Variants in RGSL1 observed in about 807,000 individuals in gnomAD.
RGSL1 encodes the protein regulator of G protein signaling like 1, also known as regulator of G protein signaling protein-like.
A neutral mutation model predicts 124.7 loss-of-function variants in RGSL1; 97 were observed. That is an observed-to-expected ratio of 0.78 (90% CI 0.66 to 0.92). The LOEUF is 0.92. Ranked by LOEUF, RGSL1 falls within the 40% of genes least tolerant of loss-of-function variation. The pLI, the probability that RGSL1 is intolerant of heterozygous loss-of-function variation, is 0.00. For missense variants in RGSL1, 1,233 were observed against 1,288.4 expected (o/e 0.96, Z 0.66); for synonymous variants, 424 against 438.1 (o/e 0.97, Z 0.40).
chr1:182,535,280 C>T (rs929349887), intron 14 of RGSL1, among the ~76,000 whole-genome samples: 2 of 152,184 alleles, frequency 1.3e-5, no homozygotes, highest in Admixed American at 6.5e-5. Context: ...TGTTTTCATA[C>T]TCTTTCTATA....
rs868169303 is a variant in RGSL1, at chr1:182,509,615, C to A, written c.1826-12389C>A. Among the ~76,000 whole-genome samples the A allele has an allele frequency of 7.7e-3, 999 of 129,656 alleles. 36 individuals are homozygous for A. The highest frequency in any genetic ancestry group is 0.029 in the African/African-American group (944 of 32,164). 85.1% of individuals were successfully genotyped at this position (129,656 alleles called of 152,430 possible). A position where few individuals can be genotyped will look rare whatever the true frequency, so the allele number is the denominator to read the frequency against. ...GCTCCTCACTTCCCAGTAGGGGCGG[C>A]TGGGCAGAGGCGCCCCTCACCTCCC... On this transcript the variant is annotated intron_variant, in intron 9 of 21. Transcript: ENST00000294854.
intron 4 of RGSL1, among the ~76,000 whole-genome samples, chr1:182,462,833 GAA>G (rs1028550531): frequency 1.3e-5 from 2 of 152,040 alleles, no homozygotes; most frequent in African/African-American, 4.8e-5. Flanking sequence ...TAACTGCAAG[GAA>G]AATAGCTACA....
intron 4 of RGSL1, among the ~76,000 whole-genome samples, chr1:182,461,459 G>A (rs1652828728): frequency 6.6e-6 from 1 of 151,340 alleles, no homozygotes. Flanking sequence ...AAATCAGAAG[G>A]CACACAAAGA....
chr1:182,489,981 C>A (rs1655398918), intron 8 of RGSL1, among the ~76,000 whole-genome samples: 2 of 152,140 alleles, frequency 1.3e-5, no homozygotes, highest in African/African-American at 4.8e-5. Flanking sequence ...AAACTTTGAT[C>A]CACAATAAAT....
At position 182,548,365 on chromosome 1, in the gene RGSL1, A is replaced by G. The variant is rs1301648489; in HGVS notation, c.2718A>G (p.Ala906=). ...CCCACATGCTGCAGGTCAACCGGGC[A>G]TATAATGAGAATGATGTGATCCTAA... ...SSAHMLQVNR[A]YNENDVILMR... Residue 906 remains alanine (A), a synonymous_variant, in exon 16 of 22, where the codon GCA becomes GCG. Coordinates refer to ENST00000294854, the MANE Select transcript of RGSL1 (RefSeq NM_001137669.2). The G allele has an allele frequency of 7.1e-6, 11 of 1,551,934 alleles. No individual in the cohort carries two copies. The highest frequency in any genetic ancestry group is 1.4e-5 in the African/African-American group (1 of 73,016).
At chr1:182,501,847 T>C (rs1354261373) in intron 9 of RGSL1, among the ~76,000 whole-genome samples, 2 of 152,198 alleles carry the variant, frequency 1.3e-5, no homozygotes, top group African/African-American at 4.8e-5. Context: ...TGAAATGTTA[T>C]GTAGAATTTA....
chr1:182,494,222 A>G (rs1655744427), intron 9 of RGSL1, among the ~76,000 whole-genome samples: 1 of 152,236 alleles, frequency 6.6e-6, no homozygotes, highest in Non-Finnish European at 1.5e-5. Flanking sequence ...GCTATGTAAC[A>G]TGATCTTAAT....
chr1:182,460,700 C>A (rs1182283013), intron 4 of RGSL1: 2 of 456,004 alleles, frequency 4.4e-6, no homozygotes, highest in South Asian at 1.5e-5. Flanking sequence ...AAATAGGAAG[C>A]ACTAGGAATC....
intron 14 of RGSL1, among the ~76,000 whole-genome samples, chr1:182,534,792 A>G (rs1434995307): frequency 6.6e-6 from 1 of 151,658 alleles, no homozygotes; most frequent in Non-Finnish European, 1.5e-5. Context: ...GCACCACTGC[A>G]CTCCAGTCTG....
At chr1:182,475,470 C>T (rs1654217093) in intron 6 of RGSL1, among the ~76,000 whole-genome samples, 1 of 152,262 alleles carries the variant, frequency 6.6e-6, no homozygotes, top group East Asian at 1.9e-4. Context: ...GGGATAGTGT[C>T]ATACCATAAA....
chr1:182,474,428 G>C lies in RGSL1; in HGVS notation c.1317G>C (p.Glu439Asp). Reference protein sequence around the residue: ...GDRICELYLNEQIGPCLPLKS... With the variant: ...GDRICELYLNDQIGPCLPLKS... ...GAATCTGCGAGCTCTACCTGAATGA[G>C]CAGATTGGTCCGTGCTTACCACTCA... Residue 439 changes from glutamate (E) to aspartate (D), a missense_variant, in exon 6 of 22, where the codon GAG becomes GAC. Physicochemically the swap from Glu to Asp is conservative, Grantham distance 45 (BLOSUM62 2). Transcript: ENST00000294854. 6.4e-7 allele frequency: 1 copy of C among 1,552,062 alleles called. No homozygotes were observed. The highest frequency in any genetic ancestry group is 8.7e-7 in the Non-Finnish European group (1 of 1,147,042).
intron 15 of RGSL1, 42 bp from the exon 16 acceptor site, chr1:182,548,275 C>T: frequency 6.5e-7 from 1 of 1,550,306 alleles, no homozygotes; most frequent in Middle Eastern, 1.7e-4. Flanking sequence ...TCACTGTTTT[C>T]ATCTTCTCCT....
chr1:182,526,558 C>A (rs1446841895), intron 10 of RGSL1, among the ~76,000 whole-genome samples: 1 of 151,852 alleles, frequency 6.6e-6, no homozygotes, highest in East Asian at 1.9e-4. Context: ...CCTGTAGTTA[C>A]AGCTACTTGG....
chr1:182,527,604 A>G lies in RGSL1; in HGVS notation c.1957A>G (p.Thr653Ala), dbSNP rs200654801. 1.7e-5 allele frequency: 27 copies of G among 1,550,522 alleles called. No individual in the cohort carries two copies. The highest frequency in any genetic ancestry group is 2.3e-5 in the Non-Finnish European group (26 of 1,146,566). The part of the protein sequence containing the change: ...PRNLTEVLLN[T>A]QHLEFFREFL... ...AAACTTGACAGAAGTCCTCTTAAAT[A>G]CACAGCACTTGGAGTTCTTCAGGGA... Residue 653 changes from threonine (T) to alanine (A), a missense_variant, in exon 11 of 22, where the codon ACA (threonine) becomes GCA (alanine). Coordinates refer to ENST00000294854, the MANE Select transcript of RGSL1 (RefSeq NM_001137669.2).
chr1:182,491,790 T>C (rs1655543400), intron 8 of RGSL1, among the ~76,000 whole-genome samples: 1 of 152,108 alleles, frequency 6.6e-6, no homozygotes, highest in Non-Finnish European at 1.5e-5. Context: ...CCTAGAGAGT[T>C]CCAGGAGAAC....
chr1:182,477,038 A>G (rs1054419984), intron 6 of RGSL1, among the ~76,000 whole-genome samples: 2 of 152,210 alleles, frequency 1.3e-5, no homozygotes, highest in Non-Finnish European at 2.9e-5. Context: ...AATATGGTGA[A>G]ATAGGAGGTC....
chr1:182,501,280 T>C (rs12725534), intron 9 of RGSL1, among the ~76,000 whole-genome samples: 325 of 51,502 alleles, frequency 6.3e-3, no homozygotes, highest in African/African-American at 8.4e-3. Context: ...TTCTTTCTTT[T>C]TTTTCTTTTC....
Position 182,548,367 on chromosome 1 carries a change from A to G in RGSL1, c.2720A>G (p.Tyr907Cys), listed in dbSNP as rs370619782. The G allele has an allele frequency of 4.5e-6, 7 of 1,551,972 alleles. No homozygotes were observed. The highest frequency in any genetic ancestry group is 6.1e-6 in the Non-Finnish European group (7 of 1,147,080). ...SAHMLQVNRA[Y>C]NENDVILMRS... Reference sequence around the variant, plus strand: ...CACATGCTGCAGGTCAACCGGGCATATAATGAGAATGATGTGATCCTAATG... The same window carrying G: ...CACATGCTGCAGGTCAACCGGGCATGTAATGAGAATGATGTGATCCTAATG... Residue 907 changes from tyrosine to cysteine, a missense_variant, in exon 16 of 22, where the codon TAT becomes TGT. By Grantham distance (194) the Tyr-to-Cys change is radical. Coordinates refer to ENST00000294854, the MANE Select transcript of RGSL1 (RefSeq NM_001137669.2).
intron 12 of RGSL1, 34 bp from the exon 13 acceptor site, chr1:182,530,756 G>T (rs769039005): frequency 3.4e-6 from 5 of 1,491,602 alleles, no homozygotes; most frequent in Middle Eastern, 1.8e-4. Flanking sequence ...CCAGGTTTTT[G>T]CCCTGTTTGA....
Sources: gnomAD v4.1 joint callset for allele counts (sites outside exome capture counted in the v4.1 genomes callset) on GRCh38, gnomAD v4.1.1 for gene constraint, MANE v1.5 for transcripts, NCBI Gene and HGNC (gene_info 2026-07-23, HGNC 2026-07-21) for gene names.